The following HCN1 variants were observed in gnomAD, a reference collection of about 807,000 sequenced individuals.
HCN1 encodes the protein potassium/sodium hyperpolarization-activated cyclic nucleotide-gated channel 1.
A neutral mutation model predicts 78.9 loss-of-function variants in HCN1; 13 were observed. That is an observed-to-expected ratio of 0.16 (90% CI 0.11 to 0.26). The LOEUF (loss-of-function observed/expected upper bound fraction) is 0.26. Ranked by LOEUF, HCN1 falls within the 10% of genes least tolerant of loss-of-function variation. HCN1 has a pLI of 1.00. For synonymous variants in HCN1, 552 were observed against 455.5 expected (o/e 1.21, Z -2.70); for missense variants, 810 against 1,154.3 (o/e 0.70, Z 4.32).
intron 6 of HCN1, among the ~76,000 whole-genome samples, chr5:45,298,239 C>T (rs564631396): frequency 9.2e-5 from 14 of 152,050 alleles, no homozygotes; most frequent in African/African-American, 3.1e-4. Context: ...GATTTATAAT[C>T]GGAGAGAACT....
chr5:45,645,142 A>G (rs1023677355), intron 2 of HCN1, 43 bp downstream of exon 2: 2 of 1,439,556 alleles, frequency 1.4e-6, no homozygotes, highest in Admixed American at 1.7e-5. Flanking sequence ...CATAATTAAC[A>G]ATTTCATGAT....
At chr5:45,619,881 T>A (rs899714465) in intron 2 of HCN1, among the ~76,000 whole-genome samples, 1 of 152,102 alleles carries the variant, frequency 6.6e-6, no homozygotes, top group African/African-American at 2.4e-5. Context: ...GTATAAACTG[T>A]ACTTAGTGAC....
chr5:45,549,955 C>G (rs1167443501), intron 2 of HCN1, among the ~76,000 whole-genome samples: 1 of 152,174 alleles, frequency 6.6e-6, no homozygotes, highest in Non-Finnish European at 1.5e-5. Flanking sequence ...GAGATACCAT[C>G]TCACACCAGT....
chr5:45,443,296 C>T (rs998712036), intron 3 of HCN1, among the ~76,000 whole-genome samples: 1 of 151,940 alleles, frequency 6.6e-6, no homozygotes, highest in African/African-American at 2.4e-5. Context: ...CTATCAGGTA[C>T]TTTCTCCATT....
chr5:45,503,854 C>T (rs1250199110), intron 2 of HCN1, among the ~76,000 whole-genome samples: 2 of 151,208 alleles, frequency 1.3e-5, no homozygotes, highest in Admixed American at 6.6e-5. Flanking sequence ...GGTGCCATCT[C>T]GGCTCACTGC....
chr5:45,640,066 T>G (rs1437732339), intron 2 of HCN1, among the ~76,000 whole-genome samples: 1 of 152,176 alleles, frequency 6.6e-6, no homozygotes, highest in African/African-American at 2.4e-5. Flanking sequence ...TCAGTATGTT[T>G]CAAGGCCTCC....
chr5:45,692,367 T>G (rs1739930482), intron 1 of HCN1, among the ~76,000 whole-genome samples: 1 of 152,190 alleles, frequency 6.6e-6, no homozygotes, highest in Non-Finnish European at 1.5e-5. Flanking sequence ...GTCTATGTGT[T>G]GTTCACATGA....
At chr5:45,517,530 A>AC (rs1554030345) in intron 2 of HCN1, among the ~76,000 whole-genome samples, 2 of 150,376 alleles carry the variant, frequency 1.3e-5, no homozygotes, top group Non-Finnish European at 3.0e-5. Context: ...TAAAAAAAAA[A>AC]AAAAAAAAAA....
intron 2 of HCN1, chr5:45,644,108 T>C (rs1025773005): frequency 3.9e-5 from 6 of 152,176 alleles, no homozygotes; most frequent in Admixed American, 1.3e-4. Flanking sequence ...ACAAAAACAC[T>C]GCTACCGCCT....
chr5:45,413,432 C>T (rs924103291), intron 3 of HCN1, among the ~76,000 whole-genome samples: 4 of 151,884 alleles, frequency 2.6e-5, no homozygotes, highest in East Asian at 1.9e-4. Flanking sequence ...AATAGCAATA[C>T]GGTTATTATT....
chr5:45,340,780 T>C (rs1746562064), intron 5 of HCN1, among the ~76,000 whole-genome samples: 1 of 152,156 alleles, frequency 6.6e-6, no homozygotes, highest in Non-Finnish European at 1.5e-5. Context: ...ACAACACATC[T>C]GAATAGGATC....
At chr5:45,481,778 CT>C (rs1253720541) in intron 2 of HCN1, among the ~76,000 whole-genome samples, 3 of 124,620 alleles carry the variant, frequency 2.4e-5, no homozygotes, top group African/African-American at 7.7e-5. Flanking sequence ...CATGATGCCA[CT>C]TATGGCAGAG....
At chr5:45,417,745 G>A (rs2112063349) in intron 3 of HCN1, among the ~76,000 whole-genome samples, 1 of 97,148 alleles carries the variant, frequency 1.0e-5, no homozygotes, top group South Asian at 3.8e-4. Context: ...CATTAGTGTA[G>A]AGAGACAAAA....
At chr5:45,593,340 T>TCTCA (rs1744422923) in intron 2 of HCN1, among the ~76,000 whole-genome samples, 2 of 125,528 alleles carry the variant, frequency 1.6e-5, no homozygotes, top group African/African-American at 6.3e-5. Flanking sequence ...TCTCTCTCTC[T>TCTCA]CACACACACA....
At chr5:45,433,023 T>C (rs1039120765) in intron 3 of HCN1, among the ~76,000 whole-genome samples, 5 of 152,018 alleles carry the variant, frequency 3.3e-5, no homozygotes, top group African/African-American at 9.7e-5. Context: ...ACTTACGCAG[T>C]ATCATGAGAA....
chr5:45,614,869 C>T (rs892605219), intron 2 of HCN1, among the ~76,000 whole-genome samples: 34 of 151,726 alleles, frequency 2.2e-4, no homozygotes, highest in African/African-American at 8.0e-4. Flanking sequence ...CACCCAACTC[C>T]CAATAATTTG....
At chr5:45,498,124 T>C (rs972126315) in intron 2 of HCN1, among the ~76,000 whole-genome samples, 1 of 152,182 alleles carries the variant, frequency 6.6e-6, no homozygotes, top group Non-Finnish European at 1.5e-5. Flanking sequence ...TGAATCTGAA[T>C]GTTGGCCTGC....
At chr5:45,498,997 C>G (rs1207803813) in intron 2 of HCN1, among the ~76,000 whole-genome samples, 1 of 152,152 alleles carries the variant, frequency 6.6e-6, no homozygotes, top group Non-Finnish European at 1.5e-5. Context: ...AGTTGTCAGA[C>G]AGGGACATTT....
chr5:45,543,275 A>T (rs1382697464), intron 2 of HCN1, among the ~76,000 whole-genome samples: 1 of 152,114 alleles, frequency 6.6e-6, no homozygotes, highest in Non-Finnish European at 1.5e-5. Flanking sequence ...AATTAGGAAA[A>T]TTAATTACGA....
Sources: allele counts gnomAD v4.1 joint callset (sites outside exome capture counted in the v4.1 genomes callset), GRCh38; gene constraint gnomAD v4.1.1; transcripts MANE v1.5; gene names NCBI Gene and HGNC (gene_info 2026-07-23, HGNC 2026-07-21).